TRIM24: variants seen among roughly 807,000 people sequenced by gnomAD.
TRIM24 encodes the protein tripartite motif containing 24, also known as transcription intermediary factor 1-alpha.
TRIM24 carries 29 observed loss-of-function variants against 123.9 expected under a neutral mutation model. The observed-to-expected ratio is 0.23, with a 90% CI of 0.17 to 0.32. The LOEUF (loss-of-function observed/expected upper bound fraction) is 0.32. Ranked by LOEUF, TRIM24 falls within the 10% of genes least tolerant of loss-of-function variation. TRIM24 has a pLI of 1.00. For missense variants in TRIM24, 932 were observed against 1,295.3 expected (o/e 0.72, Z 4.31); for synonymous variants, 456 against 461.1 (o/e 0.99, Z 0.14).
At chr7:138,531,361 TC>T (rs1045092986) in intron 6 of TRIM24, among the ~76,000 whole-genome samples, 32 of 122,702 alleles carry the variant, frequency 2.6e-4, no homozygotes, top group African/African-American at 9.6e-4. Context: ...ATGCTATCCC[TC>T]CCCCCTCCCC....
chr7:138,583,908 GACT>G lies in TRIM24; in HGVS notation c.2855_2857del (p.Leu952del). On this transcript the variant is annotated inframe_deletion, in exon 18 of 19. Transcript: ENST00000343526. ...ATGGATTTGTCAACCATCAAGAAAA[GACT>G]ACAAGAAGATTATTCCATGTACTCA... 1.2e-6 allele frequency: 2 copies of G among 1,601,944 alleles called. No individual in the cohort carries two copies. The highest frequency in any genetic ancestry group is 1.7e-6 in the Non-Finnish European group (2 of 1,175,462).
At chr7:138,547,599 T>A (rs1797127583) in intron 7 of TRIM24, among the ~76,000 whole-genome samples, 1 of 152,248 alleles carries the variant, frequency 6.6e-6, no homozygotes, top group Admixed American at 6.5e-5. Context: ...GTTCTTAGAA[T>A]ATTTCTTATG....
intron 6 of TRIM24, among the ~76,000 whole-genome samples, chr7:138,536,459 G>T (rs1044308704): frequency 3.3e-5 from 5 of 152,254 alleles, no homozygotes; most frequent in Non-Finnish European, 5.9e-5. Flanking sequence ...CTGCAGGTCT[G>T]TTGGAGTTTG....
At position 138,571,090 on chromosome 7, in the gene TRIM24, G is replaced by T; in HGVS notation, c.1878+87G>T. On this transcript the variant is annotated intron_variant, in intron 11 of 18. Transcript: ENST00000343526. ...CACTCCTGTAATCCCAGCACTTTGG[G>T]AGGCTGAGGCAGACAGATTACTTGA... The T allele has an allele frequency of 2.2e-6, 3 of 1,351,050 alleles. No individual in the cohort carries two copies. Among genetic ancestry groups the T allele is most frequent in the Non-Finnish European group, 3.1e-6 (3 of 964,300 alleles). 83.7% of individuals were successfully genotyped at this position (1,351,050 alleles called of 1,614,324 possible). A position where few individuals can be genotyped will look rare whatever the true frequency, so the allele number is the denominator to read the frequency against.
chr7:138,555,450 C>T (rs1435815767), intron 9 of TRIM24, among the ~76,000 whole-genome samples: 3 of 151,414 alleles, frequency 2.0e-5, no homozygotes, highest in Non-Finnish European at 2.9e-5. Flanking sequence ...AGCAAATATA[C>T]TGTCTACCGT....
In TRIM24 at chr7:138,585,018, A is replaced by C; in HGVS notation, c.*67A>C. On this transcript the variant is annotated 3_prime_UTR_variant, in exon 19 of 19. Transcript: ENST00000343526. Reference sequence around the variant, plus strand: ...GTTTTCAAAAAAACATTTGTCAGTAATTTAACATCACTACAAAAAGAAGAG... The same window carrying C: ...GTTTTCAAAAAAACATTTGTCAGTACTTTAACATCACTACAAAAAGAAGAG... 1 of 1,336,220 alleles carries C rather than the reference A, an allele frequency of 7.5e-7. No homozygotes were observed. The highest frequency in any genetic ancestry group is 2.4e-5 in the East Asian group (1 of 42,178). 82.8% of individuals were successfully genotyped at this position (1,336,220 alleles called of 1,614,324 possible). A position where few individuals can be genotyped will look rare whatever the true frequency, so the allele number is the denominator to read the frequency against.
chr7:138,551,289 C>T (rs1318607529), intron 8 of TRIM24, 109 bp downstream of exon 8: 4 of 930,958 alleles, frequency 4.3e-6, no homozygotes, highest in Admixed American at 3.6e-5. Context: ...CGGTGGCTCA[C>T]ATCTGTAATC....
At chr7:138,527,415 C>A (rs1315716875) in intron 5 of TRIM24, among the ~76,000 whole-genome samples, 1 of 152,104 alleles carries the variant, frequency 6.6e-6, no homozygotes, top group East Asian at 1.9e-4. Context: ...TAAAAGGGTA[C>A]ATTTATTAGA....
At chr7:138,555,203 AGTGAAGGATAAAT>A (rs1584736263) in intron 9 of TRIM24, among the ~76,000 whole-genome samples, 1 of 152,208 alleles carries the variant, frequency 6.6e-6, no homozygotes, top group East Asian at 1.9e-4. Context: ...TTTAAATTAT[AGTGAAGGATAAAT>A]GTTTGTATTC....
intron 1 of TRIM24, among the ~76,000 whole-genome samples, chr7:138,462,097 A>G (rs1030688940): frequency 9.2e-5 from 14 of 152,152 alleles, no homozygotes; most frequent in Admixed American, 7.2e-4. Flanking sequence ...CAGCCTTGGA[A>G]GATAGAGATA....
chr7:138,461,761 T>C (rs2116432565), intron 1 of TRIM24, among the ~76,000 whole-genome samples: 1 of 152,384 alleles, frequency 6.6e-6, no homozygotes, highest in African/African-American at 2.4e-5. Flanking sequence ...TTTTAAATTT[T>C]ATTATTGCAA....
intron 2 of TRIM24, among the ~76,000 whole-genome samples, chr7:138,504,890 A>G (rs1796118613): frequency 6.6e-6 from 1 of 151,592 alleles, no homozygotes. Context: ...CCTCATGAGT[A>G]GCTGGGATTA....
At chr7:138,508,693 G>GTGTGTGTGTGTGCGCA (rs1563038780) in intron 2 of TRIM24, among the ~76,000 whole-genome samples, 1 of 27,830 alleles carries the variant, frequency 3.6e-5, no homozygotes, top group African/African-American at 1.1e-4. Flanking sequence ...GTGTGTGTGT[G>GTGTGTGTGTGTGCGCA]CGCGCGCGTG....
intron 10 of TRIM24, among the ~76,000 whole-genome samples, chr7:138,569,287 T>C (rs1797603870): frequency 6.6e-6 from 1 of 152,228 alleles, no homozygotes; most frequent in African/African-American, 2.4e-5. Context: ...AGCATGTTTT[T>C]TTAAAATGGT....
At position 138,583,952 on chromosome 7, in the gene TRIM24, G is replaced by A; in HGVS notation, c.2896G>A (p.Val966Ile). The A allele has an allele frequency of 1.2e-6, 2 of 1,609,610 alleles. No homozygotes were observed. The highest frequency in any genetic ancestry group is 1.7e-6 in the Non-Finnish European group (2 of 1,178,896). ...YSMYSKPEDF[V>I]ADFRLIFQNC... ...CATGTACTCAAAACCTGAAGATTTT[G>A]TAGCTGATTTTAGATTGATCTTTCA... Residue 966 changes from valine (V) to isoleucine (I), a missense_variant, in exon 18 of 19, where the codon GTA (valine) becomes ATA (isoleucine). Physicochemically the swap from Val to Ile is conservative, Grantham distance 29. This residue lies in a region of TRIM24 where 104 missense variants were observed against 121.5 expected (regional missense o/e 0.86). Coordinates refer to ENST00000343526, the MANE Select transcript of TRIM24 (RefSeq NM_015905.3).
At chr7:138,465,415 C>T (rs1400483519) in intron 1 of TRIM24, among the ~76,000 whole-genome samples, 2 of 152,168 alleles carry the variant, frequency 1.3e-5, no homozygotes, top group Non-Finnish European at 1.5e-5. Context: ...GTGTTGTTAA[C>T]GTACTGTTCA....
Position 138,525,250 on chromosome 7 carries a change from T to A in TRIM24, c.774T>A (p.Phe258Leu), listed in dbSNP as rs765075874. The A allele has an allele frequency of 7.4e-6, 11 of 1,483,570 alleles. No individual in the cohort carries two copies. The highest frequency in any genetic ancestry group is 8.9e-6 in the Non-Finnish European group (10 of 1,117,916). 91.9% of individuals were successfully genotyped at this position (1,483,570 alleles called of 1,614,324 possible). A position where few individuals can be genotyped will look rare whatever the true frequency, so the allele number is the denominator to read the frequency against. ...TTGCTTATTTCTTCAGATACCAATTTATAGAAGAAGCTTTTCAGAATCAGA... is the reference window on the plus strand; with the variant it reads ...TTGCTTATTTCTTCAGATACCAATTAATAGAAGAAGCTTTTCAGAATCAGA... ...LLEHKEHRYQFIEEAFQNQKV... is the reference protein window; with the variant it reads ...LLEHKEHRYQLIEEAFQNQKV... The change falls in exon 5 of 19, where the codon TTT (phenylalanine) becomes TTA (leucine). Residue 258 changes from phenylalanine to leucine, a missense_variant. Phe to Leu is a conservative substitution (Grantham distance 22). Transcript: ENST00000343526.
In TRIM24 at chr7:138,585,481, G is replaced by A. The variant is rs1484822108; in HGVS notation, c.*530G>A. On this transcript the variant is annotated 3_prime_UTR_variant, in exon 19 of 19. Transcript: ENST00000343526. ...GGGTGGTAACAAGAGTTCCATCCCA[G>A]GAGGCCAAACGGTGCAACAGAAGGG... The A allele has an allele frequency of 3.3e-6, 1 of 303,160 alleles. No individual in the cohort carries two copies. The highest frequency in any genetic ancestry group is 6.3e-6 in the Non-Finnish European group (1 of 159,906). The allele number at this position is 303,160 out of a possible 1,614,324, so 18.8% of individuals were successfully genotyped here.
intron 1 of TRIM24, among the ~76,000 whole-genome samples, chr7:138,499,422 G>C (rs916473990): frequency 6.6e-6 from 1 of 152,162 alleles, no homozygotes; most frequent in Non-Finnish European, 1.5e-5. Flanking sequence ...ATTACCCACA[G>C]ATGGGCAGCA....
Sources: gnomAD v4.1 joint callset for allele counts (sites outside exome capture counted in the v4.1 genomes callset) on GRCh38, gnomAD v4.1.1 for gene constraint, gnomAD v4.1.1 regional missense constraint, MANE v1.5 for transcripts, NCBI Gene and HGNC (gene_info 2026-07-23, HGNC 2026-07-21) for gene names.